Variants in ADAM12 observed in about 807,000 individuals in gnomAD.
The protein encoded by ADAM12 is ADAM metallopeptidase domain 12.
Under a neutral mutation model 106.4 loss-of-function variants are expected in ADAM12, and 70 were observed. That is an observed-to-expected ratio of 0.66 (90% CI 0.54 to 0.80). The LOEUF is 0.80. ADAM12 is among the 30% of genes least tolerant of loss of function. The pLI is 0.00. For synonymous variants in ADAM12, 420 were observed against 433.5 expected (o/e 0.97, Z 0.39); for missense variants, 1,010 against 1,171.9 (o/e 0.86, Z 2.02).
In ADAM12 at chr10:126,140,556, C is replaced by T. The variant is rs925627100; in HGVS notation, c.340-4896G>A. Among the ~76,000 whole-genome samples the T allele has an allele frequency of 1.8e-4, 28 of 152,130 alleles. 1 individual carries two copies. The highest frequency in any genetic ancestry group is 1.8e-3 in the Admixed American group (27 of 15,266). On this transcript the variant is annotated intron_variant, in intron 4 of 22. Transcript: ENST00000448723. ...CATTAGTAGAGTTAACAACTGATTT[C>T]CAGCTTTAACACCACTTTTGTATCA... is the stretch of plus-strand genomic sequence containing the variant.
chr10:126,121,406 CATATT>C (rs1956108780), intron 5 of ADAM12, among the ~76,000 whole-genome samples: 5 of 123,174 alleles, frequency 4.1e-5, no homozygotes, highest in African/African-American at 1.2e-4. Context: ...TAATATATTG[CATATT>C]ATATAATATG....
At chr10:126,359,486 T>C (rs1386025123) in intron 1 of ADAM12, among the ~76,000 whole-genome samples, 1 of 151,986 alleles carries the variant, frequency 6.6e-6, no homozygotes, top group Non-Finnish European at 1.5e-5. Context: ...ATGGGAGAAA[T>C]TGACCAAAAC....
intron 1 of ADAM12, among the ~76,000 whole-genome samples, chr10:126,342,248 G>A (rs1854956084): frequency 6.6e-6 from 1 of 152,148 alleles, no homozygotes; most frequent in Non-Finnish European, 1.5e-5. Context: ...GAGAAAGTGT[G>A]GCTATCTAGA....
At chr10:126,093,492 C>A (rs11244810) in intron 11 of ADAM12, among the ~76,000 whole-genome samples, 41,517 of 152,138 alleles carry the variant, frequency 0.27, 7,298 homozygotes, top group Non-Finnish European at 0.39. Flanking sequence ...AACCCCCAAG[C>A]TACCGACTTC....
intron 6 of ADAM12, among the ~76,000 whole-genome samples, chr10:126,114,600 C>T (rs1340226392): frequency 6.6e-6 from 1 of 152,204 alleles, no homozygotes; most frequent in Admixed American, 6.5e-5. Context: ...CTGCCTCAGC[C>T]TCCCAGGTAG....
At chr10:126,257,325 T>C (rs1215867414) in intron 3 of ADAM12, among the ~76,000 whole-genome samples, 1 of 152,216 alleles carries the variant, frequency 6.6e-6, no homozygotes, top group Non-Finnish European at 1.5e-5. Flanking sequence ...AACGTGCACA[T>C]GGTCTTCTGT....
intron 3 of ADAM12, among the ~76,000 whole-genome samples, chr10:126,220,778 T>C (rs1958075472): frequency 6.6e-6 from 1 of 152,226 alleles, no homozygotes; most frequent in Non-Finnish European, 1.5e-5. Flanking sequence ...CTAGGAATAA[T>C]TGTCACCTAT....
chr10:126,288,479 A>G (rs375262259), intron 2 of ADAM12, among the ~76,000 whole-genome samples: 1 of 152,244 alleles, frequency 6.6e-6, no homozygotes. Context: ...CAAGAGCAGC[A>G]GCAGCAGCAG....
intron 4 of ADAM12, among the ~76,000 whole-genome samples, chr10:126,154,337 T>G (rs1956777215): frequency 6.6e-6 from 1 of 152,234 alleles, no homozygotes; most frequent in Admixed American, 6.5e-5. Context: ...ATGTGTTTTC[T>G]TTGGGCTGGG....
At chr10:126,196,691 C>T (rs1957602469) in intron 3 of ADAM12, among the ~76,000 whole-genome samples, 1 of 152,084 alleles carries the variant, frequency 6.6e-6, no homozygotes, top group Non-Finnish European at 1.5e-5. Context: ...AATACACGTG[C>T]TCAGAAATAA....
chr10:126,192,311 A>T (rs1957518003), intron 3 of ADAM12, among the ~76,000 whole-genome samples: 1 of 152,216 alleles, frequency 6.6e-6, no homozygotes, highest in Non-Finnish European at 1.5e-5. Context: ...GTACATAGTA[A>T]ATAATGGCCA....
At chr10:126,177,077 T>A (rs1206205167) in intron 3 of ADAM12, among the ~76,000 whole-genome samples, 3 of 151,840 alleles carry the variant, frequency 2.0e-5, no homozygotes, top group Non-Finnish European at 4.4e-5. Context: ...CACGGTTTCC[T>A]GGTCATAATA....
intron 14 of ADAM12, among the ~76,000 whole-genome samples, chr10:126,061,164 C>T (rs1293209184): frequency 1.3e-5 from 2 of 152,196 alleles, no homozygotes; most frequent in Non-Finnish European, 2.9e-5. Flanking sequence ...TCTTACAGCC[C>T]GTTTTACAGA....
intron 1 of ADAM12, among the ~76,000 whole-genome samples, chr10:126,386,955 A>C (rs1856682828): frequency 6.6e-6 from 1 of 152,224 alleles, no homozygotes; most frequent in African/African-American, 2.4e-5. Flanking sequence ...TGGTCTTCGC[A>C]GTGTGGCTTT....
intron 5 of ADAM12, among the ~76,000 whole-genome samples, chr10:126,132,195 G>A (rs550132125): frequency 3.9e-5 from 6 of 152,172 alleles, no homozygotes; most frequent in South Asian, 2.1e-4. Flanking sequence ...GAATGGTCTC[G>A]ATCTCTTGAC....
At chr10:126,019,440 T>C (rs1246628782) in intron 22 of ADAM12, among the ~76,000 whole-genome samples, 1 of 152,244 alleles carries the variant, frequency 6.6e-6, no homozygotes, top group East Asian at 1.9e-4. Context: ...ACTGTAGTTT[T>C]ATGACATCTT....
chr10:126,204,911 C>T (rs1037775904), intron 3 of ADAM12, among the ~76,000 whole-genome samples: 2 of 152,190 alleles, frequency 1.3e-5, no homozygotes, highest in African/African-American at 2.4e-5. Flanking sequence ...TTGGAACCCA[C>T]CCACAGTCAC....
At position 126,292,279 on chromosome 10, in the gene ADAM12, C is replaced by T. The variant is rs187625923; in HGVS notation, c.187-13291G>A. The stretch of plus-strand genomic sequence containing the variant: ...TTGTTTTTCCTATTGTCATCATCAT[C>T]CTTTTGGCTCCCATTGGTACCCTCT... On this transcript the variant is annotated intron_variant, in intron 2 of 22. Coordinates refer to ENST00000448723, the MANE Select transcript of ADAM12 (RefSeq NM_001288973.2). Among the ~76,000 whole-genome samples the T allele has an allele frequency of 1.2e-3, 187 of 152,280 alleles. 2 individuals carry two copies. The highest frequency in any genetic ancestry group is 4.1e-3 in the South Asian group (20 of 4,822).
At chr10:126,279,502 G>T (rs1446545573) in intron 2 of ADAM12, among the ~76,000 whole-genome samples, 2 of 142,066 alleles carry the variant, frequency 1.4e-5, no homozygotes, top group Non-Finnish European at 3.1e-5. Context: ...GGTGGGGGTG[G>T]ATCACCTGAG....
Sources: gnomAD v4.1 joint callset for allele counts (sites outside exome capture counted in the v4.1 genomes callset) on GRCh38, gnomAD v4.1.1 for gene constraint, MANE v1.5 for transcripts, NCBI Gene and HGNC (gene_info 2026-07-23, HGNC 2026-07-21) for gene names.